The following HS3ST5 variants were observed in gnomAD, a reference collection of about 807,000 sequenced individuals.
The protein encoded by HS3ST5 is heparan sulfate-glucosamine 3-sulfotransferase 5.
HS3ST5 carries 10 observed loss-of-function variants against 25.4 expected under a neutral mutation model. That is an observed-to-expected ratio of 0.39 (90% CI 0.24 to 0.67). HS3ST5 has a LOEUF of 0.67. Ranked by LOEUF, HS3ST5 falls within the 30% of genes least tolerant of loss-of-function variation. The probability of loss-of-function intolerance (pLI) is 0.44; values close to 1 mark genes in which losing one functional copy is unlikely to be tolerated. For missense variants in HS3ST5, 324 were observed against 420.7 expected (o/e 0.77, Z 2.01); for synonymous variants, 170 against 162.4 (o/e 1.05, Z -0.36).
chr6:114,250,212 T>G (rs1772587865), intron 1 of HS3ST5, among the ~76,000 whole-genome samples: 1 of 152,198 alleles, frequency 6.6e-6, no homozygotes, highest in Non-Finnish European at 1.5e-5. Flanking sequence ...ATCTGAATTC[T>G]TTGAGAGCTA....
At chr6:114,285,923 C>A (rs1272152119) in intron 1 of HS3ST5, among the ~76,000 whole-genome samples, 1 of 151,940 alleles carries the variant, frequency 6.6e-6, no homozygotes, top group Non-Finnish European at 1.5e-5. Context: ...GGAAAGACAT[C>A]ACTAAATGAA....
At chr6:114,107,181 T>G (rs751036147) in intron 3 of HS3ST5, among the ~76,000 whole-genome samples, 36 of 152,120 alleles carry the variant, frequency 2.4e-4, no homozygotes, top group Non-Finnish European at 5.0e-4. Context: ...TAGAAAAACA[T>G]TTAAAAAATA....
At chr6:114,065,316 G>A (rs1182354497) in intron 3 of HS3ST5, among the ~76,000 whole-genome samples, 1 of 152,256 alleles carries the variant, frequency 6.6e-6, no homozygotes, top group Non-Finnish European at 1.5e-5. Flanking sequence ...TTCACTGAAA[G>A]AACCAATCTC....
chr6:114,149,291 T>C (rs1184343772), intron 3 of HS3ST5, among the ~76,000 whole-genome samples: 2 of 152,228 alleles, frequency 1.3e-5, no homozygotes, highest in African/African-American at 4.8e-5. Context: ...CACATGTTTA[T>C]TGAAGCACTA....
chr6:114,285,201 G>A (rs1402843764), intron 1 of HS3ST5, among the ~76,000 whole-genome samples: 1 of 151,950 alleles, frequency 6.6e-6, no homozygotes. Context: ...TAAAAATGTG[G>A]TATATGCATG....
intron 2 of HS3ST5, among the ~76,000 whole-genome samples, chr6:114,199,769 T>C (rs1467771720): frequency 6.6e-6 from 1 of 152,200 alleles, no homozygotes; most frequent in African/African-American, 2.4e-5. Context: ...GCTTTATGTC[T>C]CAAAAATGTT....
intron 3 of HS3ST5, among the ~76,000 whole-genome samples, chr6:114,115,394 G>A (rs950406801): frequency 3.3e-5 from 5 of 152,096 alleles, no homozygotes; most frequent in Non-Finnish European, 7.4e-5. Context: ...TAAATTACAT[G>A]AGTCTCTTTC....
At chr6:114,059,481 T>C (rs1772967689) in intron 4 of HS3ST5, 1 of 152,208 alleles carries the variant, frequency 6.6e-6, no homozygotes, top group African/African-American at 2.4e-5. Context: ...AGTGATATGG[T>C]TTGGCTCTGT....
At chr6:114,077,604 T>G (rs1325973999) in intron 3 of HS3ST5, among the ~76,000 whole-genome samples, 2 of 152,162 alleles carry the variant, frequency 1.3e-5, no homozygotes, top group Non-Finnish European at 2.9e-5. Context: ...AGTTAAAGAG[T>G]TCCAGTTAAC....
intron 1 of HS3ST5, among the ~76,000 whole-genome samples, chr6:114,285,357 G>A (rs769770886): frequency 1.3e-4 from 19 of 151,676 alleles, no homozygotes; most frequent in Admixed American, 2.6e-4. Context: ...TTGCTACCTG[G>A]GTGACAAAAT....
Position 114,058,127 on chromosome 6 carries a change from T to A in HS3ST5, c.171A>T (p.Pro57=). 6.2e-7 allele frequency: 1 copy of A among 1,613,750 alleles called. No individual in the cohort carries two copies. Among genetic ancestry groups the A allele is most frequent in the Non-Finnish European group, 8.5e-7 (1 of 1,179,762 alleles). The change falls in exon 5 of 5, where the codon CCA becomes CCT. Residue 57 remains proline, a synonymous_variant. Coordinates refer to ENST00000312719, the MANE Select transcript of HS3ST5 (RefSeq NM_153612.4). ...CACGCTTAAACTGCAGGGCGCGAAG[T>A]GGGAATTCAGCCTGAGTGCGGGCTC... The part of the protein sequence containing the change: ...LGGARTQAEF[P]LRALQFKRGL...
At chr6:114,326,875 ATTC>A (rs1359244585) in intron 1 of HS3ST5, among the ~76,000 whole-genome samples, 1 of 152,182 alleles carries the variant, frequency 6.6e-6, no homozygotes, top group East Asian at 1.9e-4. Flanking sequence ...ATAAACCTCT[ATTC>A]TTAATAGGAT....
intron 1 of HS3ST5, among the ~76,000 whole-genome samples, chr6:114,320,880 G>A (rs1208170362): frequency 6.7e-6 from 1 of 149,408 alleles, no homozygotes; most frequent in Non-Finnish European, 1.5e-5. Context: ...TATAATGGCA[G>A]TACATAGGAA....
At chr6:114,214,858 C>T (rs983609833) in intron 2 of HS3ST5, among the ~76,000 whole-genome samples, 7 of 152,314 alleles carry the variant, frequency 4.6e-5, no homozygotes, top group African/African-American at 1.7e-4. Flanking sequence ...GCCTCAGTCC[C>T]AGCATCTAGC....
chr6:114,342,504 T>C lies in HS3ST5; in HGVS notation c.-648A>G. ...CAGGCGGGCGAGAAGTAGTGGAGTT[T>C]AGGGCGCGTTTCCTGCACTTCCCCG... On this transcript the variant is annotated 5_prime_UTR_variant, in exon 1 of 5. An upstream open reading frame in the 5' UTR loses its in-frame stop. Transcript: ENST00000312719. The C allele has an allele frequency of 6.2e-6, 1 of 161,614 alleles. No individual in the cohort carries two copies. The highest frequency in any genetic ancestry group is 1.3e-5 in the Non-Finnish European group (1 of 74,622). The allele number at this position is 161,614 out of a possible 1,614,324, so 10.0% of individuals were successfully genotyped here.
chr6:114,252,787 G>T (rs2114632932), intron 1 of HS3ST5, among the ~76,000 whole-genome samples: 1 of 152,312 alleles, frequency 6.6e-6, no homozygotes, highest in African/African-American at 2.4e-5. Context: ...CATAGATCAG[G>T]TTGTCTTCCT....
intron 3 of HS3ST5, among the ~76,000 whole-genome samples, chr6:114,145,463 C>T (rs546359182): frequency 7.6e-4 from 116 of 152,208 alleles, no homozygotes; most frequent in Non-Finnish European, 1.2e-3. Context: ...ATGAGAATGT[C>T]GGGTTTGGGA....
At chr6:114,136,471 T>C (rs1777620099) in intron 3 of HS3ST5, among the ~76,000 whole-genome samples, 1 of 152,224 alleles carries the variant, frequency 6.6e-6, no homozygotes, top group African/African-American at 2.4e-5. Flanking sequence ...CTTTCCTTTA[T>C]AAATTACCCA....
chr6:114,092,677 T>TA (rs1775186966), intron 3 of HS3ST5, among the ~76,000 whole-genome samples: 1 of 150,816 alleles, frequency 6.6e-6, no homozygotes, highest in Non-Finnish European at 1.5e-5. Context: ...TTTATTTATT[T>TA]TGTTTTTTTT....
Sources: allele counts gnomAD v4.1 joint callset (sites outside exome capture counted in the v4.1 genomes callset), GRCh38; gene constraint gnomAD v4.1.1; transcripts MANE v1.5; gene names NCBI Gene and HGNC (gene_info 2026-07-23, HGNC 2026-07-21).